Variants in DOCK11 observed in about 807,000 individuals in gnomAD.
The protein encoded by DOCK11 is dedicator of cytokinesis protein 11.
DOCK11 carries 70 observed loss-of-function variants against 169.1 expected under a neutral mutation model. The observed-to-expected ratio is 0.41, with a 90% CI of 0.34 to 0.51. The LOEUF is 0.51. Ranked by LOEUF, DOCK11 falls within the 20% of genes least tolerant of loss-of-function variation. The pLI is 0.10. For missense variants in DOCK11, 1,166 were observed against 1,538.8 expected, an observed-to-expected ratio of 0.76 and a Z score of 4.05; for synonymous variants, 529 against 541.3, an observed-to-expected ratio of 0.98 and a Z score of 0.32.
chrX:118,496,703 AC>A (rs2057540555), intron 1 of DOCK11, among the ~76,000 whole-genome samples: 1 of 111,810 alleles, frequency 8.9e-6, no homozygotes, highest in Non-Finnish European at 1.9e-5. Flanking sequence ...GGCATTAGAA[AC>A]AACGGGGTTC....
intron 18 of DOCK11, among the ~76,000 whole-genome samples, chrX:118,589,032 C>T (rs969760934): frequency 5.4e-5 from 6 of 111,927 alleles, no homozygotes; most frequent in African/African-American, 1.9e-4. Context: ...ACCCATCAAT[C>T]AGGGACCTGA....
rs1247643709 is a variant in DOCK11 at position 118,619,497 on chromosome X, A to AT, written c.3471+769_3471+770insT. On this transcript the variant is annotated intron_variant, in intron 31 of 52. Coordinates refer to ENST00000276202, the MANE Select transcript of DOCK11 (RefSeq NM_144658.4). Reference sequence around the variant, plus strand: ...CTCTGTCTCAAAAAAAAAAAAAAAAAATATATATATATATATAGTTTAGTT... The same window carrying AT: ...CTCTGTCTCAAAAAAAAAAAAAAAAATATATATATATATATATAGTTTAGTT... 8.8e-3 allele frequency among the ~76,000 whole-genome samples: 794 copies of AT among 90,676 alleles called. 6 individuals carry two copies. The highest frequency in any genetic ancestry group is 0.011 in the Non-Finnish European group (513 of 47,404). 78.7% of individuals were successfully genotyped at this position (90,676 alleles called of 115,157 possible). A position where few individuals can be genotyped will look rare whatever the true frequency, so the allele number is the denominator to read the frequency against.
chrX:118,606,459 C>A (rs184185598), intron 24 of DOCK11, among the ~76,000 whole-genome samples: 1 of 112,605 alleles, frequency 8.9e-6, no homozygotes, highest in Non-Finnish European at 1.9e-5. Flanking sequence ...AATGTGGCCC[C>A]AAGCCATCAA....
chrX:118,560,518 T>G (rs1358010871), intron 6 of DOCK11, among the ~76,000 whole-genome samples: 2 of 112,158 alleles, frequency 1.8e-5, no homozygotes, highest in Admixed American at 9.5e-5. Context: ...CCTGGGAAAT[T>G]GCAACTTGAA....
In DOCK11 at chrX:118,532,713, G is replaced by A. The variant is rs777628225; in HGVS notation, c.103-10012G>A. Among the ~76,000 whole-genome samples, 346 of 104,341 alleles carry A rather than the reference G, an allele frequency of 3.3e-3. 1 individual carries two copies. Among genetic ancestry groups the A allele is most frequent in the African/African-American group, 0.012 (330 of 28,448 alleles). The allele number at this position is 104,341 out of a possible 115,157, so 90.6% of individuals were successfully genotyped here. A position where few individuals can be genotyped will look rare whatever the true frequency, so the allele number is the denominator to read the frequency against. On this transcript the variant is annotated intron_variant, in intron 1 of 52. Transcript: ENST00000276202. ...GGAGAATGGCGTGAATCCGGGAGGC[G>A]GAGCTTGCAGTGAGCCGAGATCGCG...
chrX:118,543,473 T>C, intron 3 of DOCK11, 38 bp from the exon 4 acceptor site: 1 of 1,074,019 alleles, frequency 9.3e-7, no homozygotes, highest in East Asian at 3.0e-5. Context: ...TATGTACTTT[T>C]CCTATATTTC....
chrX:118,527,471 C>T (rs555349754), intron 1 of DOCK11, among the ~76,000 whole-genome samples: 2 of 111,599 alleles, frequency 1.8e-5, no homozygotes, highest in South Asian at 7.4e-4. Flanking sequence ...TCCGAGGTTC[C>T]TTGTAGTCAG....
At chrX:118,533,815 T>C (rs1449748550) in intron 1 of DOCK11, among the ~76,000 whole-genome samples, 1 of 112,165 alleles carries the variant, frequency 8.9e-6, no homozygotes, top group Non-Finnish European at 1.9e-5. Flanking sequence ...TTGTTACAAG[T>C]TTAAGGTGAG....
At chrX:118,563,702 A>T (rs1242291761) in intron 7 of DOCK11, among the ~76,000 whole-genome samples, 11 of 105,939 alleles carry the variant, frequency 1.0e-4, no homozygotes, top group Non-Finnish European at 2.1e-4. Flanking sequence ...CATTTAAAAA[A>T]TTTTTTTCTT....
chrX:118,533,847 A>T (rs1256292323), intron 1 of DOCK11, among the ~76,000 whole-genome samples: 1 of 112,354 alleles, frequency 8.9e-6, no homozygotes, highest in Non-Finnish European at 1.9e-5. Flanking sequence ...GAGGCAGGTT[A>T]TAAAATAGTT....
At chrX:118,670,413 G>A (rs967542812) in intron 45 of DOCK11, among the ~76,000 whole-genome samples, 6 of 111,660 alleles carry the variant, frequency 5.4e-5, no homozygotes, top group Admixed American at 1.9e-4. Context: ...TTCTGGCAGC[G>A]CTGGTGATCT....
chrX:118,526,412 CA>C (rs2011377439), intron 1 of DOCK11, among the ~76,000 whole-genome samples: 1 of 112,328 alleles, frequency 8.9e-6, no homozygotes, highest in Admixed American at 9.4e-5. Context: ...GAACTCTGGC[CA>C]AGGGTCCCTG....
Position 118,545,421 on chromosome X carries a change from CTG to C in DOCK11, c.462+32_462+33del, listed in dbSNP as rs754721301. 1,389 of 1,074,059 alleles carry C rather than the reference CTG, an allele frequency of 1.3e-3. 4 individuals carry two copies. The highest frequency in any genetic ancestry group is 3.4e-3 in the South Asian group (165 of 48,200). The allele number at this position is 1,074,059 out of a possible 1,213,427, so 88.5% of individuals were successfully genotyped here. On this transcript the variant is annotated intron_variant, in intron 5 of 52. Coordinates refer to ENST00000276202, the MANE Select transcript of DOCK11 (RefSeq NM_144658.4). ...AGAATGGGGGCAACAGTTGGGGTAA[CTG>C]TGCTAGTTTCCTCACGGTCACTTTG...
rs1359726517 is a variant in DOCK11 at position 118,495,955 on chromosome X, C to T, written c.-17C>T. On this transcript the variant is annotated 5_prime_UTR_variant, in exon 1 of 53. Transcript: ENST00000276202. ...CGAGGTCCGCCCGCCCGCCGAGACCCGCCCGCCGCCGCTGCCATGGCCGAA... is the reference window on the plus strand; with the variant it reads ...CGAGGTCCGCCCGCCCGCCGAGACCTGCCCGCCGCCGCTGCCATGGCCGAA... The T allele has an allele frequency of 2.8e-5, 30 of 1,053,694 alleles. No individual in the cohort carries two copies. The highest frequency in any genetic ancestry group is 3.7e-5 in the Non-Finnish European group (30 of 817,252). 86.8% of individuals were successfully genotyped at this position (1,053,694 alleles called of 1,213,427 possible). A position where few individuals can be genotyped will look rare whatever the true frequency, so the allele number is the denominator to read the frequency against.
At chrX:118,558,742 A>G (rs2012808800) in intron 6 of DOCK11, among the ~76,000 whole-genome samples, 1 of 112,453 alleles carries the variant, frequency 8.9e-6, no homozygotes, top group Non-Finnish European at 1.9e-5. Flanking sequence ...AATATTCCTT[A>G]CTGTCCAAAC....
chrX:118,536,127 G>A (rs747023582), intron 1 of DOCK11, among the ~76,000 whole-genome samples: 15 of 110,857 alleles, frequency 1.4e-4, no homozygotes, highest in Non-Finnish European at 2.8e-4. Flanking sequence ...GCAAAACCCC[G>A]TCTCTATAAA....
chrX:118,683,530 A>G (rs1277074963), intron 52 of DOCK11, among the ~76,000 whole-genome samples: 1 of 111,839 alleles, frequency 8.9e-6, no homozygotes, highest in Non-Finnish European at 1.9e-5. Flanking sequence ...GAAACTATCT[A>G]GTTGATGAGT....
chrX:118,582,637 C>T (rs900542549), intron 14 of DOCK11, among the ~76,000 whole-genome samples: 1 of 111,655 alleles, frequency 9.0e-6, no homozygotes, highest in Non-Finnish European at 1.9e-5. Context: ...ACAGACACTT[C>T]TCAAAAGAAG....
At chrX:118,548,261 A>G (rs2012358112) in intron 6 of DOCK11, among the ~76,000 whole-genome samples, 1 of 112,362 alleles carries the variant, frequency 8.9e-6, no homozygotes, top group South Asian at 3.7e-4. Flanking sequence ...GTAGGAGTCC[A>G]TATATTATAA....
Sources: gnomAD v4.1 joint callset for allele counts (sites outside exome capture counted in the v4.1 genomes callset) on GRCh38, gnomAD v4.1.1 for gene constraint, MANE v1.5 for transcripts, NCBI Gene and HGNC (gene_info 2026-07-23, HGNC 2026-07-21) for gene names.